The following NUB1 variants were observed in gnomAD, a reference collection of about 807,000 sequenced individuals.
The protein encoded by NUB1 is negative regulator of ubiquitin like proteins 1.
NUB1 carries 41 observed loss-of-function variants against 77.1 expected under a neutral mutation model. The observed-to-expected ratio is 0.53, with a 90% confidence interval of 0.41 to 0.69. The LOEUF (loss-of-function observed/expected upper bound fraction) is 0.69. Among genes scored for constraint, NUB1 ranks in the 30% least tolerant of loss-of-function variants. NUB1 has a pLI of 0.00. For synonymous variants in NUB1, 257 were observed against 281.0 expected (o/e 0.91, Z 0.85); for missense variants, 643 against 743.8 (o/e 0.86, Z 1.58).
chr7:151,353,563 C>T (rs1176439985), intron 5 of NUB1, among the ~76,000 whole-genome samples: 5 of 152,178 alleles, frequency 3.3e-5, no homozygotes, highest in Non-Finnish European at 4.4e-5. Context: ...TGTTGGGAAA[C>T]GAGAAACTAG....
At chr7:151,341,879 C>T (rs1796219910) in intron 1 of NUB1, 33 bp downstream of exon 1, 19 of 1,483,608 alleles carry the variant, frequency 1.3e-5, no homozygotes, top group Non-Finnish European at 1.7e-5. Flanking sequence ...TCCTCGACCC[C>T]AGCCTCAGCA....
intron 1 of NUB1, among the ~76,000 whole-genome samples, chr7:151,344,379 C>T (rs1451824398): frequency 6.6e-5 from 10 of 150,872 alleles, no homozygotes; most frequent in South Asian, 2.1e-4. Flanking sequence ...GGTGCCATCT[C>T]GGCTCACTAC....
intron 8 of NUB1, chr7:151,361,302 C>A (rs1797370119): frequency 6.6e-6 from 1 of 152,172 alleles, no homozygotes; most frequent in Non-Finnish European, 1.5e-5. Context: ...TCATTATTAA[C>A]TCATGGATTT....
At chr7:151,366,519 T>TAAAGAAAGAAAGAAAG in intron 8 of NUB1, among the ~76,000 whole-genome samples, 1 of 150,810 alleles carries the variant, frequency 6.6e-6, no homozygotes, top group African/African-American at 2.4e-5. Context: ...CAATGATTCT[T>TAAAGAAAGAAAGAAAG]AAAGAAAGAA....
intron 13 of NUB1, 134 bp downstream of exon 13, chr7:151,376,077 T>G: frequency 1.5e-6 from 1 of 682,016 alleles, no homozygotes; most frequent in Non-Finnish European, 2.7e-6. Flanking sequence ...AGGTGTAACC[T>G]GCCCACCTCA....
chr7:151,374,080 T>A lies in NUB1; in HGVS notation c.1249-17T>A. On this transcript the variant is annotated splice_polypyrimidine_tract_variant and intron_variant, in intron 11 of 14. Transcript: ENST00000568733. Reference sequence around the variant, plus strand: ...TCAGTCCCTAACTTGGGATGGGACTTTGCTGTTTTCCTAAAGGAACTGGCC... The same window carrying A: ...TCAGTCCCTAACTTGGGATGGGACTATGCTGTTTTCCTAAAGGAACTGGCC... The A allele has an allele frequency of 6.5e-7, 1 of 1,547,946 alleles. No homozygotes were observed. Among genetic ancestry groups the A allele is most frequent in the Non-Finnish European group, 8.7e-7 (1 of 1,145,030 alleles).
intron 8 of NUB1, among the ~76,000 whole-genome samples, chr7:151,362,561 G>A (rs1057124669): frequency 6.6e-6 from 1 of 152,166 alleles, no homozygotes; most frequent in Admixed American, 6.5e-5. Context: ...AGTGCAGAAC[G>A]GTGACCCTGA....
chr7:151,353,507 G>A (rs1340264948), intron 5 of NUB1, among the ~76,000 whole-genome samples: 1 of 152,120 alleles, frequency 6.6e-6, no homozygotes, highest in Non-Finnish European at 1.5e-5. Flanking sequence ...CCCAGAACAG[G>A]CCCCACAACA....
chr7:151,361,336 T>G (rs981383155), intron 8 of NUB1: 13 of 152,234 alleles, frequency 8.5e-5, no homozygotes, highest in Admixed American at 2.0e-4. Flanking sequence ...TGTTTCAAAC[T>G]TCAGTGCTTA....
intron 5 of NUB1, among the ~76,000 whole-genome samples, 154 bp from the exon 6 acceptor site, chr7:151,355,614 G>A (rs1288414808): frequency 6.6e-6 from 1 of 152,196 alleles, no homozygotes; most frequent in Admixed American, 6.5e-5. Flanking sequence ...TGAAGGCTGT[G>A]GGGAGCCATG....
intron 5 of NUB1, among the ~76,000 whole-genome samples, chr7:151,355,319 A>C (rs766360748): frequency 7.9e-5 from 12 of 152,204 alleles, no homozygotes; most frequent in Non-Finnish European, 1.6e-4. Flanking sequence ...ACAGTGACAT[A>C]GTTACAACCA....
chr7:151,351,656 A>G (rs1250618058), intron 4 of NUB1, among the ~76,000 whole-genome samples, 174 bp downstream of exon 4: 1 of 152,146 alleles, frequency 6.6e-6, no homozygotes, highest in African/African-American at 2.4e-5. Context: ...ACTGGTAGGT[A>G]AGTGGCAAAG....
intron 2 of NUB1, 123 bp downstream of exon 2, chr7:151,345,589 G>C: frequency 1.9e-6 from 1 of 524,038 alleles, no homozygotes; most frequent in African/African-American, 2.0e-5. Context: ...AGTGGTGAGC[G>C]GGTACCCACT....
Position 151,378,057 on chromosome 7 carries a change from T to C in NUB1, c.*832T>C, listed in dbSNP as rs897571158. ...TTTAGATATATTTTCTCCAGGTTTT[T>C]TGTGGGTTTTCTTTGTTGTTGTTGT... On this transcript the variant is annotated 3_prime_UTR_variant, in exon 15 of 15. Transcript: ENST00000568733. 1 of 152,238 alleles carries C rather than the reference T, an allele frequency of 6.6e-6. No homozygotes were observed. Among genetic ancestry groups the C allele is most frequent in the Non-Finnish European group, 1.5e-5 (1 of 68,052 alleles). The allele number at this position is 152,238 out of a possible 1,614,324, so 9.4% of individuals were successfully genotyped here. A position where few individuals can be genotyped will look rare whatever the true frequency, so the allele number is the denominator to read the frequency against.
chr7:151,353,849 G>A (rs1261294791), intron 5 of NUB1, among the ~76,000 whole-genome samples: 1 of 152,148 alleles, frequency 6.6e-6, no homozygotes, highest in African/African-American at 2.4e-5. Flanking sequence ...GCTCACCCTA[G>A]CCTTGCTTTC....
chr7:151,377,470 T>G lies in NUB1; in HGVS notation c.*245T>G. 1 of 298,768 alleles carries G rather than the reference T, an allele frequency of 3.3e-6. No homozygotes were observed. The highest frequency in any genetic ancestry group is 6.2e-6 in the Non-Finnish European group (1 of 161,446). The allele number at this position is 298,768 out of a possible 1,614,324, so 18.5% of individuals were successfully genotyped here. ...CTCCCAGGTCTGCGTCCCTAACCCCTTCCCCAGCTTGGTGTTTTACCCCGA... is the reference window on the plus strand; with the variant it reads ...CTCCCAGGTCTGCGTCCCTAACCCCGTCCCCAGCTTGGTGTTTTACCCCGA... On this transcript the variant is annotated 3_prime_UTR_variant, in exon 15 of 15. Coordinates refer to ENST00000568733, the MANE Select transcript of NUB1 (RefSeq NM_001243351.2).
chr7:151,369,853 A>G (rs1251110166), intron 11 of NUB1, among the ~76,000 whole-genome samples: 2 of 152,196 alleles, frequency 1.3e-5, no homozygotes, highest in African/African-American at 4.8e-5. Flanking sequence ...ATCCTGAAGG[A>G]AAAAAGCAGC....
intron 14 of NUB1, 91 bp downstream of exon 14, chr7:151,376,902 T>A: frequency 6.9e-7 from 1 of 1,457,428 alleles, no homozygotes; most frequent in Non-Finnish European, 9.2e-7. Context: ...ATGTGGAGAC[T>A]GAGGGGGCGT....
intron 8 of NUB1, chr7:151,361,118 G>C (rs1554409487): frequency 6.6e-6 from 1 of 152,054 alleles, no homozygotes; most frequent in Non-Finnish European, 1.5e-5. Flanking sequence ...TGAAAAATTT[G>C]TTTTTGCTCA....
Sources: allele counts gnomAD v4.1 joint callset (sites outside exome capture counted in the v4.1 genomes callset), GRCh38; gene constraint gnomAD v4.1.1; transcripts MANE v1.5; gene names NCBI Gene and HGNC (gene_info 2026-07-23, HGNC 2026-07-21).